LRP4: variants seen among roughly 807,000 people sequenced by gnomAD.
LRP4 encodes the protein LDL receptor related protein 4, also known as low-density lipoprotein receptor-related protein 4.
A neutral mutation model predicts 220.3 loss-of-function variants in LRP4; 95 were observed. The observed-to-expected ratio is 0.43, with a 90% confidence interval of 0.37 to 0.51. LRP4 has a LOEUF of 0.51. LRP4 is among the 20% of genes least tolerant of loss of function. The probability of loss-of-function intolerance (pLI) is 0.00; values close to 1 mark genes in which losing one functional copy is unlikely to be tolerated. For synonymous variants in LRP4, 903 were observed against 954.6 expected (o/e 0.95, Z 1.00); for missense variants, 1,925 against 2,567.0 (o/e 0.75, Z 5.40).
rs760515633 is a variant in LRP4, at chr11:46,859,260, C to T, written c.5441G>A (p.Cys1814Tyr). The T allele has an allele frequency of 1.1e-5, 17 of 1,614,020 alleles. No homozygotes were observed. In the African/African-American group the frequency reaches 2.0e-4, roughly 19 times the overall value. ...CTCAGCATCATCCCCAGACAGGAGGCAGATTCCCTCTACGATCTTGATCTT... is the reference window on the plus strand; with the variant it reads ...CTCAGCATCATCCCCAGACAGGAGGTAGATTCCCTCTACGATCTTGATCTT... Reference protein sequence around the residue: ...KEKIKIVEGICLLSGDDAEWD... With the variant: ...KEKIKIVEGIYLLSGDDAEWD... Residue 1814 changes from cysteine (C) to tyrosine (Y), a missense_variant, in exon 38 of 38, where the codon TGC (cysteine) becomes TAC (tyrosine). Physicochemically the swap from Cys to Tyr is radical, Grantham distance 194. Coordinates refer to ENST00000378623, the MANE Select transcript of LRP4 (RefSeq NM_002334.4).
In LRP4 at chr11:46,874,847, G is replaced by A. The variant is rs573455625; in HGVS notation, c.4182C>T (p.Ser1394=). Residue 1394 remains serine (S), a synonymous_variant, in exon 28 of 38, where the codon AGC becomes AGT. Coordinates refer to ENST00000378623, the MANE Select transcript of LRP4 (RefSeq NM_002334.4). ...LNNVISLDYD[S]VDGKVYYTDV... ...CTGTGTAATAGACCTTTCCATCCAC[G>A]CTGTCATAGTCCAGGGAGATGACAT... is the stretch of plus-strand genomic sequence containing the variant. 43 of 1,614,004 alleles carry A rather than the reference G, an allele frequency of 2.7e-5. No individual in the cohort carries two copies. The highest frequency in any genetic ancestry group is 3.3e-4 in the Middle Eastern group (2 of 6,062).
Position 46,881,913 on chromosome 11 carries a change from G to C in LRP4, c.2613-10C>G. On this transcript the variant is annotated splice_polypyrimidine_tract_variant and intron_variant, in intron 19 of 37. Coordinates refer to ENST00000378623, the MANE Select transcript of LRP4 (RefSeq NM_002334.4). ...AGTCCAATACATGTACCTGGGCAAA[G>C]GCAAGGCAAGGCAGGTCTTACAAGC... 6.2e-7 allele frequency: 1 copy of C among 1,613,826 alleles called. No individual in the cohort carries two copies. Among genetic ancestry groups the C allele is most frequent in the Non-Finnish European group, 8.5e-7 (1 of 1,179,752 alleles).
chr11:46,898,644 A>T lies in LRP4; in HGVS notation c.710T>A (p.Met237Lys). The T allele has an allele frequency of 6.2e-7, 1 of 1,614,154 alleles. No individual in the cohort carries two copies. The change falls in exon 7 of 38, where the codon ATG (methionine) becomes AAG (lysine). Residue 237 changes from methionine to lysine, a missense_variant. By Grantham distance (95) the Met-to-Lys change is moderately conservative. Coordinates refer to ENST00000378623, the MANE Select transcript of LRP4 (RefSeq NM_002334.4). Reference sequence around the variant, plus strand: ...ATTGATGCACAGGCCACTGTCACACATGAACTCCCCAGAGCGGCAGGGCTG... The same window carrying T: ...ATTGATGCACAGGCCACTGTCACACTTGAACTCCCCAGAGCGGCAGGGCTG... Reference protein sequence around the residue: ...SHQPCRSGEFMCDSGLCINAG... With the variant: ...SHQPCRSGEFKCDSGLCINAG...
rs764949031 is a variant in LRP4, at chr11:46,871,572, G to A, written c.4645C>T (p.Arg1549Trp). The change falls in exon 31 of 38, where the codon CGG (arginine) becomes TGG (tryptophan). Residue 1549 changes from arginine (R) to tryptophan (W), a missense_variant. By Grantham distance (101) the Arg-to-Trp change is moderately radical. Transcript: ENST00000378623. The part of the protein sequence containing the change: ...IESADLNGKL[R>W]QVLVSHVSHP... ...GACACATGGCTGACCAAGACCTGCC[G>A]CAGTTTCCCATTGAGGTCAGCACTC... The A allele has an allele frequency of 9.9e-6, 16 of 1,613,334 alleles. No individual in the cohort carries two copies. The highest frequency in any genetic ancestry group is 1.3e-5 in the African/African-American group (1 of 74,912).
At chr11:46,863,584 C>CAA (rs55744712) in intron 36 of LRP4, among the ~76,000 whole-genome samples, 4,793 of 54,030 alleles carry the variant, frequency 0.089, 526 homozygotes, top group African/African-American at 0.25. Context: ...ACTAAAAATA[C>CAA]AAAAAAAAAA....
chr11:46,908,873 A>G (rs1269539476), intron 1 of LRP4, among the ~76,000 whole-genome samples: 1 of 152,242 alleles, frequency 6.6e-6, no homozygotes, highest in East Asian at 1.9e-4. Flanking sequence ...CTACTTTTGC[A>G]TATGCACTTG....
intron 18 of LRP4, among the ~76,000 whole-genome samples, chr11:46,885,486 T>G (rs1299422944): frequency 6.6e-6 from 1 of 152,064 alleles, no homozygotes; most frequent in Admixed American, 6.6e-5. Context: ...TAAAAATGCC[T>G]GATTTGGCTA....
intron 16 of LRP4, among the ~76,000 whole-genome samples, chr11:46,888,289 C>T (rs1188363157): frequency 6.7e-6 from 1 of 150,138 alleles, no homozygotes; most frequent in Non-Finnish European, 1.5e-5. Context: ...CACAGTGGCT[C>T]ATGCCTGTAA....
In LRP4 at chr11:46,865,136, G is replaced by A. The variant is rs1035754612; in HGVS notation, c.5138C>T (p.Ala1713Val). ...RLGLCARSND[A>V]VPAAPGEGLH... is the part of the protein sequence containing the mutation. ...GGGCTTACCTGGAGCAGCAGGAACA[G>A]CGTCATTGGAACGTGCACAGAGGCC... is the stretch of plus-strand genomic sequence containing the variant. The change falls in exon 35 of 38, where the codon GCT becomes GTT. Residue 1713 changes from alanine (A) to valine (V), a missense_variant. Physicochemically the swap from Ala to Val is moderately conservative, Grantham distance 64. Coordinates refer to ENST00000378623, the MANE Select transcript of LRP4 (RefSeq NM_002334.4). 59 of 1,562,968 alleles carry A rather than the reference G, an allele frequency of 3.8e-5. No individual in the cohort carries two copies. Among genetic ancestry groups the A allele is most frequent in the Non-Finnish European group, 5.1e-5 (59 of 1,152,638 alleles).
In LRP4 at chr11:46,897,353, TATTTTTTTATTTTTA is replaced by T. The variant is rs1404936179; in HGVS notation, c.797-374_797-360del. Among the ~76,000 whole-genome samples the T allele has an allele frequency of 1.5e-3, 221 of 146,204 alleles. 3 individuals carry two copies. Among genetic ancestry groups the T allele is most frequent in the African/African-American group, 3.5e-3 (141 of 40,588 alleles). On this transcript the variant is annotated intron_variant, in intron 7 of 37. Coordinates refer to ENST00000378623, the MANE Select transcript of LRP4 (RefSeq NM_002334.4). ...GTTTGTCTTTTTTTTTTTTTCTTTT[TATTTTTTTATTTTTA>T]TTTTTTTTTATTTTTTAATTTTTTT...
At chr11:46,872,458 C>G (rs1565780526) in intron 30 of LRP4, among the ~76,000 whole-genome samples, 1 of 151,850 alleles carries the variant, frequency 6.6e-6, no homozygotes, top group Non-Finnish European at 1.5e-5. Context: ...CATTCCGGAG[C>G]CTGGGTCGGG....
chr11:46,865,052 AG>A, intron 35 of LRP4, 66 bp downstream of exon 35: 1 of 1,338,388 alleles, frequency 7.5e-7, no homozygotes, highest in Non-Finnish European at 1.1e-6. Flanking sequence ...AGGTTATGAA[AG>A]ATATCAGTGG....
At position 46,893,010 on chromosome 11, in the gene LRP4, C is replaced by G; in HGVS notation, c.1660G>C (p.Glu554Gln). Reference protein sequence around the residue: ...HRKVLLWQNLEKPRAIALHPM... With the variant: ...HRKVLLWQNLQKPRAIALHPM... Reference sequence around the variant, plus strand: ...TGCAAGGCAATGGCCCGGGGCTTCTCCAGGTTCTGCCACAGCAACACTTTC... The same window carrying G: ...TGCAAGGCAATGGCCCGGGGCTTCTGCAGGTTCTGCCACAGCAACACTTTC... The change falls in exon 13 of 38, where the codon GAG becomes CAG. Residue 554 changes from glutamate to glutamine, a missense_variant. Physicochemically the swap from Glu to Gln is conservative, Grantham distance 29. Transcript: ENST00000378623. The G allele has an allele frequency of 6.2e-7, 1 of 1,614,018 alleles. No individual in the cohort carries two copies. Among genetic ancestry groups the G allele is most frequent in the Non-Finnish European group, 8.5e-7 (1 of 1,179,986 alleles).
intron 2 of LRP4, 52 bp downstream of exon 2, chr11:46,902,731 C>A (rs1941690353): frequency 7.5e-6 from 12 of 1,609,512 alleles, no homozygotes; most frequent in Non-Finnish European, 8.5e-6. Flanking sequence ...CCTTGCCCCC[C>A]ACCCCCAGGT....
chr11:46,861,096 C>T (rs915048524), intron 37 of LRP4: 1 of 203,514 alleles, frequency 4.9e-6, no homozygotes, highest in Non-Finnish European at 8.7e-6. Flanking sequence ...TCCAGGAACC[C>T]AAGAATCTTC....
chr11:46,858,685 C>A lies in LRP4; in HGVS notation c.*298G>T, dbSNP rs1940444235. The A allele has an allele frequency of 4.7e-6, 2 of 429,198 alleles. No homozygotes were observed. The highest frequency in any genetic ancestry group is 3.5e-5 in the Admixed American group (1 of 28,892). The allele number at this position is 429,198 out of a possible 1,614,324, so 26.6% of individuals were successfully genotyped here. ...GGTACTGGGGAAAGGGGAGGTGGAG[C>A]TCTACGCTGGTGAGGAATCACGAAT... is the stretch of plus-strand genomic sequence containing the variant. On this transcript the variant is annotated 3_prime_UTR_variant, in exon 38 of 38. Transcript: ENST00000378623.
chr11:46,862,690 G>A lies in LRP4; in HGVS notation c.5301C>T (p.Pro1767=), dbSNP rs933649202. The change falls in exon 37 of 38, where the codon CCC becomes CCT. Residue 1767 remains proline, a synonymous_variant. Coordinates refer to ENST00000378623, the MANE Select transcript of LRP4 (RefSeq NM_002334.4). The part of the protein sequence containing the change: ...PGMGNLTYSN[P]SYRTSTQEVK... Reference sequence around the variant, plus strand: ...CTTCCTGTGTGGATGTTCGGTAGGAGGGGTTGCTGTAGGTGAGGTTCCCCA... The same window carrying A: ...CTTCCTGTGTGGATGTTCGGTAGGAAGGGTTGCTGTAGGTGAGGTTCCCCA... 6.2e-7 allele frequency: 1 copy of A among 1,613,910 alleles called. No individual in the cohort carries two copies. The highest frequency in any genetic ancestry group is 8.5e-7 in the Non-Finnish European group (1 of 1,179,920).
chr11:46,873,155 T>C lies in LRP4; in HGVS notation c.4528A>G (p.Ile1510Val). 1 of 1,614,206 alleles carries C rather than the reference T, an allele frequency of 6.2e-7. No homozygotes were observed. The highest frequency in any genetic ancestry group is 8.5e-7 in the Non-Finnish European group (1 of 1,180,046). ...NLDGSERKVL[I>V]NTDLGWPNGL... ...TTGGGCCAACCCAGGTCTGTGTTGA[T>C]GAGGACCTTCCGCTCAGAACCATCC... is the stretch of plus-strand genomic sequence containing the variant. The change falls in exon 30 of 38, where the codon ATC becomes GTC. Residue 1510 changes from isoleucine (I) to valine (V), a missense_variant. Transcript: ENST00000378623. The surrounding 1 kb of genome is among the most constrained non-coding windows in gnomAD (Gnocchi z 4.2).
Position 46,873,969 on chromosome 11 carries a change from A to C in LRP4, c.4230-376T>G. On this transcript the variant is annotated intron_variant, in intron 28 of 37. Coordinates refer to ENST00000378623, the MANE Select transcript of LRP4 (RefSeq NM_002334.4). This position sits in a 1 kb window ranked among gnomAD's most constrained non-coding sequence, Gnocchi z 4.2. The stretch of plus-strand genomic sequence containing the variant: ...AACCTGTGCATTTTTTAAAAGTTAA[A>C]AACAATTTTAAATACAAGTAGATAT... The C allele has an allele frequency of 4.2e-6, 1 of 240,358 alleles. No individual in the cohort carries two copies. The highest frequency in any genetic ancestry group is 8.1e-6 in the Non-Finnish European group (1 of 123,874). 14.9% of individuals were successfully genotyped at this position (240,358 alleles called of 1,614,324 possible). A position where few individuals can be genotyped will look rare whatever the true frequency, so the allele number is the denominator to read the frequency against.
Sources: allele counts gnomAD v4.1 joint callset (sites outside exome capture counted in the v4.1 genomes callset), GRCh38; gene constraint gnomAD v4.1.1; non-coding constraint Gnocchi (gnomAD v3.1); transcripts MANE v1.5; gene names NCBI Gene and HGNC (gene_info 2026-07-23, HGNC 2026-07-21).